Variants in DOT1L observed in about 807,000 individuals in gnomAD.
DOT1L encodes DOT1 like histone lysine methyltransferase, also known as histone-lysine N-methyltransferase, H3 lysine-79 specific.
Under a neutral mutation model 153.3 loss-of-function variants are expected in DOT1L, and 33 were observed. The ratio of observed to expected loss-of-function variants is 0.22; its 90% CI spans 0.16 to 0.29. The LOEUF (loss-of-function observed/expected upper bound fraction) is 0.29. Among genes scored for constraint, DOT1L ranks in the 10% least tolerant of loss-of-function variants. The pLI is 1.00. For synonymous variants in DOT1L, 1,135 were observed against 965.1 expected (o/e 1.18, Z -3.26); for missense variants, 1,847 against 2,119.9 (o/e 0.87, Z 2.53).
At chr19:2,173,401 G>A (rs2021750369) in intron 1 of DOT1L, among the ~76,000 whole-genome samples, 1 of 152,166 alleles carries the variant, frequency 6.6e-6, no homozygotes. Flanking sequence ...CCCCAAGAGA[G>A]GAGAGAACTC....
Position 2,226,845 on chromosome 19 carries a change from C to G in DOT1L, c.4324C>G (p.Pro1442Ala). Residue 1442 changes from proline to alanine, a missense_variant, in exon 27 of 28, where the codon CCC becomes GCC. Physicochemically the swap from Pro to Ala is conservative, Grantham distance 27 (BLOSUM62 -1). Around this residue, in one of 8 missense-constraint regions of DOT1L, gnomAD observed 934 missense variants for 825.3 expected, o/e 1.13. Coordinates refer to ENST00000398665, the MANE Select transcript of DOT1L (RefSeq NM_032482.3). The part of the protein sequence containing the change: ...AVPPGSLLSG[P>A]GLAPAASSAG... ...GCCTCCCGGAAGCCTCCTCAGCGGCCCCGGCCTGGCCCCGGCGGCGTCCTC... is the reference window on the plus strand; with the variant it reads ...GCCTCCCGGAAGCCTCCTCAGCGGCGCCGGCCTGGCCCCGGCGGCGTCCTC... The G allele has an allele frequency of 6.3e-7, 1 of 1,579,350 alleles. No individual in the cohort carries two copies. Among genetic ancestry groups the G allele is most frequent in the Non-Finnish European group, 8.5e-7 (1 of 1,171,214 alleles).
At chr19:2,225,346 G>A (rs368153892) in intron 25 of DOT1L, 42 bp from the exon 26 acceptor site, 6 of 1,574,750 alleles carry the variant, frequency 3.8e-6, no homozygotes, top group Non-Finnish European at 3.5e-6. Context: ...TTCTTAGTAT[G>A]CAGCTGGGTT....
chr19:2,189,474 G>T (rs940348371), intron 3 of DOT1L, among the ~76,000 whole-genome samples: 1 of 152,350 alleles, frequency 6.6e-6, no homozygotes, highest in Non-Finnish European at 1.5e-5. Flanking sequence ...GGGAGCCTGG[G>T]CAGGTCCAGA....
Position 2,227,115 on chromosome 19 carries a change from G to A in DOT1L, c.4594G>A (p.Gly1532Ser), listed in dbSNP as rs2144939995. ...AMGSFSGVAG[G>S]TVGGN is the part of the protein sequence containing the mutation. The stretch of plus-strand genomic sequence containing the variant: ...GGGCAGCTTTTCCGGGGTGGCAGGC[G>A]GCACAGTTGGAGGTAGGCAGGGCGG... The change falls in exon 27 of 28, where the codon GGC becomes AGC. Residue 1532 changes from glycine (G) to serine (S), a missense_variant. Physicochemically the swap from Gly to Ser is moderately conservative, Grantham distance 56. Around this residue, in one of 8 missense-constraint regions of DOT1L, gnomAD observed 934 missense variants for 825.3 expected, o/e 1.13. Coordinates refer to ENST00000398665, the MANE Select transcript of DOT1L (RefSeq NM_032482.3). The A allele has an allele frequency of 6.4e-7, 1 of 1,551,642 alleles. No homozygotes were observed. The highest frequency in any genetic ancestry group is 1.2e-5 in the South Asian group (1 of 85,392).
intron 3 of DOT1L, among the ~76,000 whole-genome samples, chr19:2,186,858 T>C (rs2022533716): frequency 6.6e-6 from 1 of 152,186 alleles, no homozygotes; most frequent in Non-Finnish European, 1.5e-5. Flanking sequence ...TTGGGCGTGA[T>C]GGTGTGCTGG....
At position 2,230,437 on chromosome 19, in the gene DOT1L, C is replaced by G. The variant is rs2024549476; in HGVS notation, c.*645C>G. On this transcript the variant is annotated 3_prime_UTR_variant, in exon 28 of 28. Coordinates refer to ENST00000398665, the MANE Select transcript of DOT1L (RefSeq NM_032482.3). ...CACCCTCCGGGGCGTGGGTTGCGCC[C>G]TTGCATGTGAAGGGGCCTGCGCGGT... is the stretch of plus-strand genomic sequence containing the variant. 5.0e-6 allele frequency: 2 copies of G among 399,878 alleles called. No homozygotes were observed. The highest frequency in any genetic ancestry group is 4.1e-5 in the African/African-American group (2 of 48,660). The allele number at this position is 399,878 out of a possible 1,614,324, so 24.8% of individuals were successfully genotyped here.
Position 2,231,601 on chromosome 19 carries a change from C to T in DOT1L, c.*1809C>T, listed in dbSNP as rs898413108. On this transcript the variant is annotated 3_prime_UTR_variant, in exon 28 of 28. Transcript: ENST00000398665. Reference sequence around the variant, plus strand: ...GGTGCCCAGTGCCCTCCCCACCCCACGTTGGTGCTCTCAGCTAGAAGGTGC... The same window carrying T: ...GGTGCCCAGTGCCCTCCCCACCCCATGTTGGTGCTCTCAGCTAGAAGGTGC... 3.4e-5 allele frequency: 7 copies of T among 207,500 alleles called. No individual in the cohort carries two copies. Among genetic ancestry groups the T allele is most frequent in the Admixed American group, 1.2e-4 (2 of 16,802 alleles). The allele number at this position is 207,500 out of a possible 1,614,324, so 12.9% of individuals were successfully genotyped here.
At chr19:2,192,046 C>T (rs1019383951) in intron 5 of DOT1L, among the ~76,000 whole-genome samples, 17 of 152,184 alleles carry the variant, frequency 1.1e-4, no homozygotes, top group African/African-American at 1.7e-4. Flanking sequence ...ACAGTGAAGG[C>T]CCCTTCTCCA....
At chr19:2,214,303 A>G in intron 18 of DOT1L, 168 bp from the exon 19 acceptor site, 3 of 1,224,258 alleles carry the variant, frequency 2.5e-6, no homozygotes, top group East Asian at 2.6e-5. Flanking sequence ...GGGGGGCCCC[A>G]GTCTCCGCGT....
At chr19:2,180,777 G>A in intron 2 of DOT1L, 21 bp downstream of exon 2, 3 of 1,613,600 alleles carry the variant, frequency 1.9e-6, no homozygotes, top group Non-Finnish European at 2.5e-6. Context: ...GGCCTGCAGT[G>A]TGTTGTCTTC....
At chr19:2,198,846 C>T (rs2269883) in intron 7 of DOT1L, among the ~76,000 whole-genome samples, 57,311 of 152,010 alleles carry the variant, frequency 0.38, 11,500 homozygotes, top group Middle Eastern at 0.51. Flanking sequence ...CTGAGCGTGG[C>T]GTCCTCAAGG....
chr19:2,227,527 G>T, intron 27 of DOT1L: 1 of 547,198 alleles, frequency 1.8e-6, no homozygotes. Context: ...GCCGGGGGGA[G>T]CGGCCTGGCC....
chr19:2,229,169 T>C (rs1163738840), intron 27 of DOT1L: 1 of 985,310 alleles, frequency 1.0e-6, no homozygotes, highest in Admixed American at 6.2e-5. Flanking sequence ...TTTGATGATG[T>C]GAGGCCTTCA....
intron 16 of DOT1L, 130 bp from the exon 17 acceptor site, chr19:2,213,409 G>A: frequency 3.5e-6 from 3 of 868,764 alleles, no homozygotes; most frequent in Non-Finnish European, 5.3e-6. Context: ...TCAGCCCGGT[G>A]TGGGTCCCCT....
chr19:2,205,192 C>T (rs1271052521), intron 9 of DOT1L, among the ~76,000 whole-genome samples: 2 of 152,080 alleles, frequency 1.3e-5, no homozygotes, highest in Non-Finnish European at 1.5e-5. Flanking sequence ...AGGATGGTCT[C>T]GATCTCCTGA....
rs2024624623 is a variant in DOT1L, at chr19:2,232,098, G to C, written c.*2306G>C. On this transcript the variant is annotated 3_prime_UTR_variant, in exon 28 of 28. Coordinates refer to ENST00000398665, the MANE Select transcript of DOT1L (RefSeq NM_032482.3). The stretch of plus-strand genomic sequence containing the variant: ...GTGGAGACTGGGGATCTGGAGCCTG[G>C]TGCTGGCACCTGGCCTGAGTTTCCG... The C allele has an allele frequency of 4.6e-6, 1 of 217,572 alleles. No individual in the cohort carries two copies. Among genetic ancestry groups the C allele is most frequent in the Non-Finnish European group, 9.2e-6 (1 of 108,272 alleles). 13.5% of individuals were successfully genotyped at this position (217,572 alleles called of 1,614,324 possible).
chr19:2,201,716 A>AC (rs1377263401), intron 8 of DOT1L, among the ~76,000 whole-genome samples: 1 of 151,744 alleles, frequency 6.6e-6, no homozygotes, highest in African/African-American at 2.4e-5. Context: ...CTTATAACAA[A>AC]CTCTTAAGAA....
At position 2,202,884 on chromosome 19, in the gene DOT1L, TC is replaced by T. The variant is rs926622050; in HGVS notation, c.787+106del. On this transcript the variant is annotated intron_variant, in intron 9 of 27. Coordinates refer to ENST00000398665, the MANE Select transcript of DOT1L (RefSeq NM_032482.3). The stretch of plus-strand genomic sequence containing the variant: ...TGCAGAAGGCAGCTCAGACTTGGGG[TC>T]TTCAGTCCCCTTGGAGCCAGGTGGT... 1.9e-5 allele frequency: 21 copies of T among 1,090,950 alleles called. No individual in the cohort carries two copies. The Admixed American group carries it at 3.8e-4, about 20-fold the overall frequency. The allele number at this position is 1,090,950 out of a possible 1,614,324, so 67.6% of individuals were successfully genotyped here. A position where few individuals can be genotyped will look rare whatever the true frequency, so the allele number is the denominator to read the frequency against.
At chr19:2,187,390 G>A (rs1343521374) in intron 3 of DOT1L, among the ~76,000 whole-genome samples, 1 of 152,206 alleles carries the variant, frequency 6.6e-6, no homozygotes, top group Non-Finnish European at 1.5e-5. Context: ...TCCTCTTCGC[G>A]TGGGATGGGC....
Sources: allele counts gnomAD v4.1 joint callset (sites outside exome capture counted in the v4.1 genomes callset), GRCh38; gene constraint gnomAD v4.1.1; regional missense constraint gnomAD v4.1.1; transcripts MANE v1.5; gene names NCBI Gene and HGNC (gene_info 2026-07-23, HGNC 2026-07-21).